CSMD1: variants seen among roughly 807,000 people sequenced by gnomAD.
The protein encoded by CSMD1 is CUB and sushi domain-containing protein 1.
CSMD1 carries 213 observed loss-of-function variants against 417.5 expected under a neutral mutation model. The ratio of observed to expected loss-of-function variants is 0.51; its 90% confidence interval spans 0.46 to 0.57. The LOEUF is 0.57. Among genes scored for constraint, CSMD1 ranks in the 20% least tolerant of loss-of-function variants. The probability of loss-of-function intolerance (pLI) is 0.00; values close to 1 mark genes in which losing one functional copy is unlikely to be tolerated. For synonymous variants in CSMD1, 2,862 were observed against 1,736.8 expected, an observed-to-expected ratio of 1.65 and a Z score of -16.11; for missense variants, 6,923 against 4,529.7, an observed-to-expected ratio of 1.53 and a Z score of -15.17.
At chr8:3,203,710 G>A (rs1244335135) in intron 31 of CSMD1, among the ~76,000 whole-genome samples, 1 of 152,204 alleles carries the variant, frequency 6.6e-6, no homozygotes, top group Non-Finnish European at 1.5e-5. Context: ...AATAACAGGA[G>A]TGACTAAGGA....
intron 5 of CSMD1, among the ~76,000 whole-genome samples, chr8:3,882,509 G>A (rs992833028): frequency 2.6e-5 from 4 of 152,142 alleles, no homozygotes; most frequent in African/African-American, 4.8e-5. Flanking sequence ...TCTCTGCCTC[G>A]GTTGAGCACA....
intron 3 of CSMD1, among the ~76,000 whole-genome samples, chr8:4,388,811 C>T (rs188005608): frequency 6.6e-6 from 1 of 152,206 alleles, no homozygotes; most frequent in Non-Finnish European, 1.5e-5. Flanking sequence ...CCTCTGGACC[C>T]AGCACTGAAT....
chr8:3,011,858 G>A (rs1808408505), intron 52 of CSMD1, among the ~76,000 whole-genome samples: 1 of 152,174 alleles, frequency 6.6e-6, no homozygotes, highest in Non-Finnish European at 1.5e-5. Flanking sequence ...GTTCTCTGTT[G>A]GTTTAAGCAA....
At chr8:4,959,771 G>T (rs1809357488) in intron 1 of CSMD1, among the ~76,000 whole-genome samples, 1 of 152,120 alleles carries the variant, frequency 6.6e-6, no homozygotes, top group African/African-American at 2.4e-5. Context: ...CGTGACCTTT[G>T]TTCTGACTGT....
intron 4 of CSMD1, among the ~76,000 whole-genome samples, chr8:4,015,774 A>C (rs1437656989): frequency 6.6e-6 from 1 of 152,112 alleles, no homozygotes; most frequent in Non-Finnish European, 1.5e-5. Flanking sequence ...ACTTATCTTA[A>C]ATGTATGTGT....
intron 5 of CSMD1, among the ~76,000 whole-genome samples, chr8:3,786,042 G>T (rs1201459959): frequency 1.3e-5 from 2 of 152,136 alleles, no homozygotes; most frequent in African/African-American, 4.8e-5. Context: ...AAGGACGGAA[G>T]AAGTGATGTT....
intron 20 of CSMD1, 85 bp from the exon 21 acceptor site, chr8:3,359,425 C>CA: frequency 1.0e-5 from 5 of 499,138 alleles, no homozygotes; most frequent in Non-Finnish European, 1.6e-5. Context: ...AGTGCTATTA[C>CA]TAAAAAAAAA....
intron 5 of CSMD1, among the ~76,000 whole-genome samples, chr8:3,978,272 T>C (rs1292777046): frequency 2.0e-5 from 3 of 152,162 alleles, no homozygotes; most frequent in Non-Finnish European, 4.4e-5. Context: ...CATGGGAGCC[T>C]CAGTCACCCC....
chr8:3,263,406 A>T (rs1801219915), intron 26 of CSMD1, among the ~76,000 whole-genome samples: 1 of 152,150 alleles, frequency 6.6e-6, no homozygotes, highest in African/African-American at 2.4e-5. Flanking sequence ...GCCTTGCTTC[A>T]TCCACTGTTA....
intron 39 of CSMD1, among the ~76,000 whole-genome samples, chr8:3,156,958 A>G (rs1174273331): frequency 6.7e-6 from 1 of 149,100 alleles, no homozygotes; most frequent in African/African-American, 2.5e-5. Flanking sequence ...GGAGAAATTT[A>G]AGGTAATACC....
intron 3 of CSMD1, among the ~76,000 whole-genome samples, chr8:4,150,973 T>C (rs1032444971): frequency 6.6e-6 from 1 of 152,202 alleles, no homozygotes. Flanking sequence ...GTCTTCCAGA[T>C]ACAGGACTAG....
intron 12 of CSMD1, among the ~76,000 whole-genome samples, chr8:3,411,380 G>A (rs532318905): frequency 6.6e-6 from 1 of 151,964 alleles, no homozygotes; most frequent in East Asian, 2.0e-4. Context: ...TATTTCCATA[G>A]GTTTTGGGGG....
At chr8:4,289,856 A>T (rs1797265344) in intron 3 of CSMD1, among the ~76,000 whole-genome samples, 2 of 152,214 alleles carry the variant, frequency 1.3e-5, no homozygotes, top group African/African-American at 4.8e-5. Context: ...AGATATTCAA[A>T]GTGTATTTGC....
In CSMD1 at chr8:3,178,725, G is replaced by C. The variant is rs547681361; in HGVS notation, c.5725+2385C>G. Among the ~76,000 whole-genome samples, 9 of 152,192 alleles carry C rather than the reference G, an allele frequency of 5.9e-5. No individual in the cohort carries two copies. The East Asian group carries it at 1.5e-3, about 26-fold the overall frequency. On this transcript the variant is annotated intron_variant, in intron 37 of 69. Coordinates refer to ENST00000635120, the MANE Select transcript of CSMD1 (RefSeq NM_033225.6). ...TAGAGCAAGACCTGGCATAGAGTAA[G>C]CGTCTACTTTTTTTTTCCATTTTTA...
intron 2 of CSMD1, among the ~76,000 whole-genome samples, chr8:4,575,019 G>C (rs965735209): frequency 6.6e-6 from 1 of 152,144 alleles, no homozygotes; most frequent in African/African-American, 2.4e-5. Context: ...AATAAAAGGA[G>C]AAAGGGCCCC....
At chr8:4,647,943 T>A (rs1376544551) in intron 1 of CSMD1, among the ~76,000 whole-genome samples, 1 of 152,210 alleles carries the variant, frequency 6.6e-6, no homozygotes. Context: ...GTAATGGGAT[T>A]GCTGGTCAAA....
At chr8:4,113,895 G>A (rs957192677) in intron 3 of CSMD1, among the ~76,000 whole-genome samples, 2 of 152,180 alleles carry the variant, frequency 1.3e-5, no homozygotes, top group Admixed American at 6.5e-5. Flanking sequence ...GGAAGTTGCA[G>A]AAGAAAACTC....
chr8:3,844,002 C>A (rs534622684), intron 5 of CSMD1, among the ~76,000 whole-genome samples: 1 of 152,122 alleles, frequency 6.6e-6, no homozygotes, highest in African/African-American at 2.4e-5. Flanking sequence ...TAGCATCCAG[C>A]ACTGATAATA....
intron 7 of CSMD1, among the ~76,000 whole-genome samples, chr8:3,677,944 T>G (rs1439969162): frequency 6.6e-6 from 1 of 152,140 alleles, no homozygotes; most frequent in African/African-American, 2.4e-5. Flanking sequence ...AAGACAGGAA[T>G]GCACTTGAGG....
Sources: gnomAD v4.1 joint callset for allele counts (sites outside exome capture counted in the v4.1 genomes callset) on GRCh38, gnomAD v4.1.1 for gene constraint, MANE v1.5 for transcripts, NCBI Gene and HGNC (gene_info 2026-07-23, HGNC 2026-07-21) for gene names.